DLG1: variants seen among roughly 807,000 people sequenced by gnomAD.
The protein encoded by DLG1 is discs large MAGUK scaffold protein 1.
In DLG1, 42 loss-of-function variants were observed where a neutral mutation model predicts 123.4. The observed-to-expected ratio is 0.34, with a 90% CI of 0.27 to 0.44. DLG1 has a LOEUF of 0.44. Ranked by LOEUF, DLG1 falls within the 20% of genes least tolerant of loss-of-function variation. The pLI is 1.00. For missense variants in DLG1, 942 were observed against 1,082.6 expected, an observed-to-expected ratio of 0.87 and a Z score of 1.82; for synonymous variants, 317 against 356.2, an observed-to-expected ratio of 0.89 and a Z score of 1.24.
In DLG1 at chr3:197,044,693, T is replaced by C; in HGVS notation, c.2612A>G (p.Asn871Ser). 1 of 1,608,658 alleles carries C rather than the reference T, an allele frequency of 6.2e-7. No individual in the cohort carries two copies. The highest frequency in any genetic ancestry group is 8.5e-7 in the Non-Finnish European group (1 of 1,176,914). Residue 871 changes from asparagine to serine, a missense_variant, in exon 25 of 25, where the codon AAC becomes AGC. Transcript: ENST00000667157. ...TTCTTCTATGATCTGTTTCACTTGG[T>C]TGTAAATGTCTTCCAGCGTATCCCC... Reference protein sequence around the residue: ...VQGDTLEDIYNQVKQIIEEQS... With the variant: ...VQGDTLEDIYSQVKQIIEEQS...
At chr3:197,139,110 T>C (rs1468198781) in intron 8 of DLG1, among the ~76,000 whole-genome samples, 2 of 152,246 alleles carry the variant, frequency 1.3e-5, no homozygotes, top group Non-Finnish European at 2.9e-5. Flanking sequence ...CATGGTGTTA[T>C]GTTTTTTAAA....
At chr3:197,080,891 G>A (rs1017267807) in intron 17 of DLG1, 160 bp downstream of exon 17, 8 of 546,900 alleles carry the variant, frequency 1.5e-5, no homozygotes, top group African/African-American at 1.4e-4. Context: ...GGAAGGGTCT[G>A]TGAAATGGGT....
chr3:197,257,031 G>C (rs1423529498), intron 4 of DLG1, among the ~76,000 whole-genome samples: 1 of 152,080 alleles, frequency 6.6e-6, no homozygotes, highest in Admixed American at 6.6e-5. Context: ...TCAGCCAACA[G>C]TAGAGGGCAG....
At chr3:197,166,473 G>A (rs1316818723) in intron 5 of DLG1, among the ~76,000 whole-genome samples, 1 of 152,174 alleles carries the variant, frequency 6.6e-6, no homozygotes, top group Non-Finnish European at 1.5e-5. Context: ...AGACATAAAT[G>A]TGTGTGTATA....
At chr3:197,213,111 C>T (rs916245916) in intron 4 of DLG1, among the ~76,000 whole-genome samples, 1 of 152,158 alleles carries the variant, frequency 6.6e-6, no homozygotes, top group African/African-American at 2.4e-5. Context: ...AAAACTTGTA[C>T]ATGAAGATCC....
At chr3:197,102,577 CT>C (rs1177731107) in intron 14 of DLG1, among the ~76,000 whole-genome samples, 2 of 152,152 alleles carry the variant, frequency 1.3e-5, no homozygotes, top group Non-Finnish European at 2.9e-5. Context: ...TGTGAGGCTA[CT>C]TTTAAATTAC....
chr3:197,146,384 A>C (rs1790761017), intron 6 of DLG1, among the ~76,000 whole-genome samples: 1 of 152,214 alleles, frequency 6.6e-6, no homozygotes, highest in African/African-American at 2.4e-5. Context: ...GAGGCATCAC[A>C]TTACCTGACT....
intron 5 of DLG1, among the ~76,000 whole-genome samples, chr3:197,173,356 T>C (rs1180352083): frequency 3.9e-5 from 6 of 152,232 alleles, no homozygotes; most frequent in Non-Finnish European, 7.3e-5. Flanking sequence ...GCTTTGCACA[T>C]ATTGTCTCAT....
intron 17 of DLG1, 122 bp downstream of exon 17, chr3:197,080,929 C>T: frequency 1.3e-6 from 1 of 788,602 alleles, no homozygotes. Context: ...GCTTAAGTAT[C>T]TACCATTGTA....
chr3:197,263,390 T>C (rs1760306634), intron 4 of DLG1, among the ~76,000 whole-genome samples: 1 of 152,052 alleles, frequency 6.6e-6, no homozygotes, highest in Non-Finnish European at 1.5e-5. Context: ...TTTTGTAAAA[T>C]AAAAAAACTC....
At chr3:197,160,064 G>A (rs1798183511) in intron 5 of DLG1, among the ~76,000 whole-genome samples, 1 of 152,152 alleles carries the variant, frequency 6.6e-6, no homozygotes, top group Non-Finnish European at 1.5e-5. Flanking sequence ...AGTGCGCTGT[G>A]GTTAAGTGAA....
At chr3:197,176,841 T>C (rs1807353132) in intron 5 of DLG1, among the ~76,000 whole-genome samples, 2 of 152,178 alleles carry the variant, frequency 1.3e-5, no homozygotes, top group African/African-American at 4.8e-5. Flanking sequence ...TGCTGGATCG[T>C]ATGGTCAATT....
At chr3:197,253,845 C>T (rs1015115088) in intron 4 of DLG1, among the ~76,000 whole-genome samples, 1 of 151,502 alleles carries the variant, frequency 6.6e-6, no homozygotes, top group Admixed American at 6.6e-5. Flanking sequence ...GGGTTAAAGG[C>T]ACATGTGATT....
Position 197,282,820 on chromosome 3 carries a change from G to A in DLG1, c.177C>T (p.Thr59=). 1 of 1,579,586 alleles carries A rather than the reference G, an allele frequency of 6.3e-7. No individual in the cohort carries two copies. Among genetic ancestry groups the A allele is most frequent in the Middle Eastern group, 1.7e-4 (1 of 5,948 alleles). ...LIDIQEFYEV[T]LLDNPKCIDR... The stretch of plus-strand genomic sequence containing the variant: ...CTATACATTTTGGATTATCCAGTAA[G>A]GTCACTTCATAAAATTCTTGAATAT... The change falls in exon 4 of 25, where the codon ACC becomes ACT. Residue 59 remains threonine, a synonymous_variant. Transcript: ENST00000667157.
chr3:197,065,472 A>G, intron 21 of DLG1, 24 bp from the exon 22 acceptor site: 1 of 1,557,122 alleles, frequency 6.4e-7, no homozygotes, highest in Non-Finnish European at 8.6e-7. Context: ...AAACTTGGGA[A>G]AGTGTTTAAT....
intron 4 of DLG1, among the ~76,000 whole-genome samples, chr3:197,221,506 C>T (rs575059273): frequency 5.9e-4 from 89 of 150,418 alleles, no homozygotes; most frequent in Non-Finnish European, 1.1e-3. Context: ...GCCTGGGTGA[C>T]AGAGTGAGAC....
At chr3:197,064,670 C>T (rs190165051) in intron 22 of DLG1, among the ~76,000 whole-genome samples, 1 of 151,728 alleles carries the variant, frequency 6.6e-6, no homozygotes, top group Non-Finnish European at 1.5e-5. Context: ...GGAATATTAG[C>T]CCTTTTCTTG....
rs1444482956 is a variant in DLG1, at chr3:197,116,018, TCTC to T, written c.1349_1351del (p.Gly450del). ...GGAAATAAATATTCCTTCTCCATCT[TCTC>T]CTCCTACAATGTTGAAACCAAGGCC... is the stretch of plus-strand genomic sequence containing the variant. On this transcript the variant is annotated inframe_deletion, in exon 13 of 25. Transcript: ENST00000667157. 10 of 1,613,394 alleles carry T rather than the reference TCTC, an allele frequency of 6.2e-6. No individual in the cohort carries two copies. The highest frequency in any genetic ancestry group is 8.5e-6 in the Non-Finnish European group (10 of 1,179,790).
rs887601563 is a variant in DLG1, at chr3:197,212,204, T to C, written c.319-17615A>G. On this transcript the variant is annotated intron_variant, in intron 4 of 24. Coordinates refer to ENST00000667157, the MANE Select transcript of DLG1 (RefSeq NM_001366207.1). ...TGTAACAAAGCTTCACGTGTACCCC[T>C]GAACCTAAAAGTTTTAAAAAACAAA... Among the ~76,000 whole-genome samples, 5 of 146,194 alleles carry C rather than the reference T, an allele frequency of 3.4e-5. 1 individual carries two copies. The highest frequency in any genetic ancestry group is 4.9e-5 in the African/African-American group (2 of 41,228).
Sources: gnomAD v4.1 joint callset for allele counts (sites outside exome capture counted in the v4.1 genomes callset) on GRCh38, gnomAD v4.1.1 for gene constraint, MANE v1.5 for transcripts, NCBI Gene and HGNC (gene_info 2026-07-23, HGNC 2026-07-21) for gene names.